Variants in TUB observed in about 807,000 individuals in gnomAD.
TUB encodes the protein tubby protein homolog.
In TUB, 33 loss-of-function variants were observed where a neutral mutation model predicts 59.7. That is an observed-to-expected ratio of 0.55 (90% CI 0.42 to 0.74). The LOEUF (loss-of-function observed/expected upper bound fraction) is 0.74. TUB is among the 30% of genes least tolerant of loss of function. The pLI, the probability that TUB is intolerant of heterozygous loss-of-function variation, is 0.00. For synonymous variants in TUB, 293 were observed against 256.4 expected, an observed-to-expected ratio of 1.14 and a Z score of -1.36; for missense variants, 659 against 672.0, an observed-to-expected ratio of 0.98 and a Z score of 0.21.
rs1451001587 is a variant in TUB at position 8,103,555 on chromosome 11, C to G, written c.*1936C>G. On this transcript the variant is annotated 3_prime_UTR_variant, in exon 12 of 12. Transcript: ENST00000299506. ...CTGTCCTAGCAGGATCTGCCCACAC[C>G]TCGGCCGTACATCTCTGTGAGAGAC... 6.6e-6 allele frequency: 1 copy of G among 152,604 alleles called. No homozygotes were observed. The highest frequency in any genetic ancestry group is 1.9e-4 in the East Asian group (1 of 5,190). The allele number at this position is 152,604 out of a possible 1,614,324, so 9.5% of individuals were successfully genotyped here.
At chr11:8,100,766 T>C in intron 10 of TUB, 60 bp from the exon 11 acceptor site, 1 of 1,600,464 alleles carries the variant, frequency 6.2e-7, no homozygotes, top group South Asian at 1.1e-5. Flanking sequence ...ATAGATCCCT[T>C]TCTGGGGTGG....
chr11:8,078,980 C>T (rs780019808), upstream of TUB, among the ~76,000 whole-genome samples: 4 of 152,188 alleles, frequency 2.6e-5, no homozygotes, highest in Admixed American at 6.5e-5. Flanking sequence ...CCCCACATCC[C>T]ATGTACCTAT....
At chr11:8,050,140 T>G (rs1164936347) in intron 2 of TUB, among the ~76,000 whole-genome samples, 1 of 152,238 alleles carries the variant, frequency 6.6e-6, no homozygotes, top group African/African-American at 2.4e-5. Flanking sequence ...GCAAGATGCA[T>G]GTATGTCAGG....
chr11:8,051,374 T>C (rs569364543), intron 2 of TUB, among the ~76,000 whole-genome samples: 1 of 152,368 alleles, frequency 6.6e-6, no homozygotes, highest in South Asian at 2.1e-4. Context: ...AGCTCTTTTA[T>C]GGATTTGTTG....
intron 1 of TUB, among the ~76,000 whole-genome samples, chr11:8,028,055 C>T (rs12792321): frequency 5.9e-5 from 9 of 151,948 alleles, no homozygotes; most frequent in African/African-American, 1.9e-4. Context: ...TACATTTCCA[C>T]CAGCAATGTA....
chr11:8,096,332 C>T (rs1397135148), intron 5 of TUB, among the ~76,000 whole-genome samples: 2 of 152,142 alleles, frequency 1.3e-5, no homozygotes, highest in African/African-American at 4.8e-5. Flanking sequence ...ATTCCCAGTT[C>T]AAGGTGAGCT....
At chr11:8,063,074 G>A (rs60982924) in intron 2 of TUB, among the ~76,000 whole-genome samples, 6 of 152,158 alleles carry the variant, frequency 3.9e-5, no homozygotes, top group Non-Finnish European at 8.8e-5. Context: ...CAGTGTCTGG[G>A]CCTGCTGAGG....
chr11:8,070,430 A>G (rs1230095929), intron 2 of TUB, among the ~76,000 whole-genome samples: 1 of 140,652 alleles, frequency 7.1e-6, no homozygotes, highest in African/African-American at 2.5e-5. Context: ...GCAAATGATA[A>G]TTTTTTTATA....
rs189536260 is a variant in TUB, at chr11:8,100,753, G to A, written c.1216-73G>A. The A allele has an allele frequency of 1.1e-4, 171 of 1,590,222 alleles. 1 individual carries two copies. The highest frequency in any genetic ancestry group is 3.2e-4 in the African/African-American group (24 of 74,494). On this transcript the variant is annotated intron_variant, in intron 10 of 11. Coordinates refer to ENST00000299506, the MANE Select transcript of TUB (RefSeq NM_177972.3). ...GGGAAATCCAAGGACCCCCATTCCC[G>A]GGATAGATCCCTTTCTGGGGTGGTC...
At chr11:8,068,038 A>T (rs1005869522) in intron 2 of TUB, 4 of 152,236 alleles carry the variant, frequency 2.6e-5, no homozygotes, top group African/African-American at 9.7e-5. Context: ...TAGTGCAGGC[A>T]CCATGCTAAA....
At chr11:8,074,658 G>C (rs748475152) in intron 2 of TUB, among the ~76,000 whole-genome samples, 4 of 149,742 alleles carry the variant, frequency 2.7e-5, no homozygotes, top group Non-Finnish European at 5.9e-5. Flanking sequence ...AGGATCACTT[G>C]AGCCCAGGAG....
chr11:8,028,166 GTATCT>G (rs1358558643), intron 1 of TUB, among the ~76,000 whole-genome samples: 19 of 152,090 alleles, frequency 1.2e-4, no homozygotes, highest in Non-Finnish European at 2.6e-4. Context: ...CTAGGAAGTG[GTATCT>G]TATCATGGTT....
intron 4 of TUB, among the ~76,000 whole-genome samples, chr11:8,095,250 A>G (rs183187175): frequency 5.3e-4 from 80 of 152,296 alleles, no homozygotes; most frequent in African/African-American, 1.9e-3. Flanking sequence ...TAAGGACGTG[A>G]GGTGTTGTAA....
At chr11:8,030,137 C>T (rs1246324089) in intron 1 of TUB, among the ~76,000 whole-genome samples, 1 of 152,038 alleles carries the variant, frequency 6.6e-6, no homozygotes, top group African/African-American at 2.4e-5. Flanking sequence ...TTTTCAGATC[C>T]CTTGGGACTT....
At chr11:8,080,178 C>T (rs1398291185), upstream of TUB, among the ~76,000 whole-genome samples, 3 of 152,206 alleles carry the variant, frequency 2.0e-5, no homozygotes, top group Non-Finnish European at 4.4e-5. Flanking sequence ...CAGAAGATCC[C>T]CGCACAACAC....
upstream of TUB, among the ~76,000 whole-genome samples, chr11:8,080,197 C>A (rs989889909): frequency 6.6e-6 from 1 of 152,224 alleles, no homozygotes; most frequent in Non-Finnish European, 1.5e-5. Flanking sequence ...ACTCTTCTGG[C>A]GCGGTTGGCG....
chr11:8,091,486 G>A (rs772194371), intron 3 of TUB, among the ~76,000 whole-genome samples: 1 of 152,212 alleles, frequency 6.6e-6, no homozygotes, highest in Non-Finnish European at 1.5e-5. Flanking sequence ...CAGTAAGGAT[G>A]TGGGCTCTGA....
intron 2 of TUB, among the ~76,000 whole-genome samples, chr11:8,074,070 C>T (rs1389395561): frequency 2.0e-5 from 3 of 150,800 alleles, no homozygotes; most frequent in Non-Finnish European, 3.0e-5. Flanking sequence ...ACTCGTAAGG[C>T]GTTACTATAT....
chr11:8,064,702 G>C (rs1358061746), intron 2 of TUB, among the ~76,000 whole-genome samples: 2 of 152,156 alleles, frequency 1.3e-5, no homozygotes, highest in African/African-American at 4.8e-5. Flanking sequence ...AGGGTCAGGG[G>C]CATGAAACCC....
Sources: gnomAD v4.1 joint callset for allele counts (sites outside exome capture counted in the v4.1 genomes callset) on GRCh38, gnomAD v4.1.1 for gene constraint, MANE v1.5 for transcripts, NCBI Gene and HGNC (gene_info 2026-07-23, HGNC 2026-07-21) for gene names.